Variants in TSPAN19 observed in about 807,000 individuals in gnomAD.
TSPAN19 encodes tetraspanin-19.
A neutral mutation model predicts 35.1 loss-of-function variants in TSPAN19; 44 were observed. The ratio of observed to expected loss-of-function variants is 1.25; its 90% CI spans 0.98 to 1.61. The LOEUF is 1.61. Ranked by LOEUF, TSPAN19 falls within the 40% of genes most tolerant of loss-of-function variation. The pLI is 0.00. For missense variants in TSPAN19, 290 were observed against 280.0 expected, an observed-to-expected ratio of 1.04 and a Z score of -0.26; for synonymous variants, 79 against 92.0, an observed-to-expected ratio of 0.86 and a Z score of 0.81.
At chr12:85,028,795 A>G (rs1877545784) in intron 3 of TSPAN19, among the ~76,000 whole-genome samples, 1 of 152,186 alleles carries the variant, frequency 6.6e-6, no homozygotes, top group Non-Finnish European at 1.5e-5. Context: ...AAATGGGCAG[A>G]TGTCATAAAT....
At chr12:85,020,557 C>T (rs563648123) in intron 5 of TSPAN19, among the ~76,000 whole-genome samples, 14 of 152,100 alleles carry the variant, frequency 9.2e-5, no homozygotes, top group Admixed American at 4.6e-4. Context: ...GAGAAAACTG[C>T]AGAAGCAGGA....
intron 5 of TSPAN19, among the ~76,000 whole-genome samples, chr12:85,022,205 T>TCA (rs1474698401): frequency 1.3e-5 from 2 of 151,588 alleles, no homozygotes; most frequent in South Asian, 2.1e-4. Context: ...CCTTTAAAAC[T>TCA]CACACACACA....
intron 3 of TSPAN19, among the ~76,000 whole-genome samples, chr12:85,028,764 G>A (rs1253884229): frequency 1.3e-5 from 2 of 152,122 alleles, no homozygotes; most frequent in Non-Finnish European, 2.9e-5. Flanking sequence ...ATTGGCCATT[G>A]AGGAGCTGTT....
In TSPAN19 at chr12:85,028,038, A is replaced by G. The variant is rs768401162; in HGVS notation, c.140-15T>C. The G allele has an allele frequency of 1.1e-5, 16 of 1,509,574 alleles. No homozygotes were observed. Among genetic ancestry groups the G allele is most frequent in the Admixed American group, 6.3e-5 (3 of 47,414 alleles). The allele number at this position is 1,509,574 out of a possible 1,614,324, so 93.5% of individuals were successfully genotyped here. ...ATTATTTTCATCTGTGAAAAGTACA[A>G]ATTTACTTATTATGAAGTGGTATTT... On this transcript the variant is annotated splice_polypyrimidine_tract_variant and intron_variant, in intron 3 of 8. Transcript: ENST00000532498.
intron 5 of TSPAN19, among the ~76,000 whole-genome samples, chr12:85,021,510 C>T (rs768394234): frequency 3.3e-5 from 5 of 152,064 alleles, no homozygotes; most frequent in East Asian, 1.9e-4. Context: ...CATATGGCCT[C>T]GTTTTGTTTC....
chr12:85,019,981 A>G (rs563585079), intron 5 of TSPAN19, among the ~76,000 whole-genome samples: 1 of 152,110 alleles, frequency 6.6e-6, no homozygotes, highest in African/African-American at 2.4e-5. Context: ...AGGAAGAAGT[A>G]ATGTGCTATT....
rs767647600 is a variant in TSPAN19 at position 85,014,456 on chromosome 12, G to T, written c.*31C>A. ...TAATGTGATTTTTTAAGAATTAACT[G>T]GTTTCTTCTGAACAAATTGAAATCC... On this transcript the variant is annotated 3_prime_UTR_variant, in exon 9 of 9. Transcript: ENST00000532498. The T allele has an allele frequency of 2.7e-6, 4 of 1,483,728 alleles. No homozygotes were observed. Among genetic ancestry groups the T allele is most frequent in the Admixed American group, 1.9e-5 (1 of 53,624 alleles). 91.9% of individuals were successfully genotyped at this position (1,483,728 alleles called of 1,614,324 possible).
chr12:85,030,697 TA>T (rs1400535358), intron 1 of TSPAN19, among the ~76,000 whole-genome samples: 1 of 152,100 alleles, frequency 6.6e-6, no homozygotes, highest in Non-Finnish European at 1.5e-5. Flanking sequence ...ATGCAGTATA[TA>T]AAAAAACTAA....
intron 2 of TSPAN19, 43 bp downstream of exon 2, chr12:85,029,838 A>G (rs754498261): frequency 6.6e-7 from 1 of 1,520,622 alleles, no homozygotes; most frequent in Admixed American, 2.2e-5. Flanking sequence ...TGCCTATACA[A>G]TAGATTACAT....
At chr12:85,016,460 A>G (rs1296137306) in intron 7 of TSPAN19, 1 of 152,100 alleles carries the variant, frequency 6.6e-6, no homozygotes, top group Non-Finnish European at 1.5e-5. Context: ...ATATGCCAGC[A>G]TCACTATTCT....
At chr12:85,030,397 G>A (rs983571275) in intron 1 of TSPAN19, among the ~76,000 whole-genome samples, 9 of 152,048 alleles carry the variant, frequency 5.9e-5, no homozygotes, top group Non-Finnish European at 1.0e-4. Context: ...TCCCTTGGCT[G>A]GAAAGTTTTC....
chr12:85,014,611 T>C, intron 8 of TSPAN19, 56 bp from the exon 9 acceptor site: 1 of 1,363,728 alleles, frequency 7.3e-7, no homozygotes, highest in Admixed American at 1.9e-5. Flanking sequence ...AAGAGTAATT[T>C]GCAAAGTTAA....
chr12:85,019,841 A>G (rs2135797513), intron 5 of TSPAN19, 105 bp from the exon 6 acceptor site: 1 of 564,848 alleles, frequency 1.8e-6, no homozygotes, highest in African/African-American at 1.9e-5. Context: ...AAGAATATTC[A>G]ATATTATTTT....
At chr12:85,031,698 T>C (rs1235100934) in intron 1 of TSPAN19, among the ~76,000 whole-genome samples, 1 of 152,156 alleles carries the variant, frequency 6.6e-6, no homozygotes, top group Non-Finnish European at 1.5e-5. Flanking sequence ...GGCTTCCAAA[T>C]TGGCTCCAGG....
chr12:85,018,786 T>A (rs1451562067), intron 6 of TSPAN19, among the ~76,000 whole-genome samples: 1 of 151,916 alleles, frequency 6.6e-6, no homozygotes, highest in Non-Finnish European at 1.5e-5. Context: ...TGCGCAATCC[T>A]CATTAAATTA....
chr12:85,033,622 T>C (rs1008674680), intron 1 of TSPAN19, among the ~76,000 whole-genome samples: 8 of 152,162 alleles, frequency 5.3e-5, no homozygotes, highest in Non-Finnish European at 1.0e-4. Context: ...ATTCCCTTTA[T>C]CGTCGATATT....
chr12:85,033,563 A>C (rs1028304863), intron 1 of TSPAN19, among the ~76,000 whole-genome samples: 2 of 152,114 alleles, frequency 1.3e-5, no homozygotes, highest in African/African-American at 4.8e-5. Context: ...AAATGATGTA[A>C]TTAAACTTTG....
intron 4 of TSPAN19, among the ~76,000 whole-genome samples, chr12:85,024,954 A>G (rs1355261482): frequency 6.6e-6 from 1 of 152,078 alleles, no homozygotes; most frequent in African/African-American, 2.4e-5. Context: ...ACTTTAAAAT[A>G]TCTGACCAAA....
At chr12:85,033,488 T>A (rs990551759) in intron 1 of TSPAN19, among the ~76,000 whole-genome samples, 4 of 151,978 alleles carry the variant, frequency 2.6e-5, no homozygotes, top group African/African-American at 7.2e-5. Flanking sequence ...ATGAGAGATG[T>A]AGTAGGAAGT....
Sources: gnomAD v4.1 joint callset for allele counts (sites outside exome capture counted in the v4.1 genomes callset) on GRCh38, gnomAD v4.1.1 for gene constraint, MANE v1.5 for transcripts, NCBI Gene and HGNC (gene_info 2026-07-23, HGNC 2026-07-21) for gene names.